CDH18: variants seen among roughly 807,000 people sequenced by gnomAD.
CDH18 encodes cadherin-18.
CDH18 carries 31 observed loss-of-function variants against 67.9 expected under a neutral mutation model. That is an observed-to-expected ratio of 0.46 (90% confidence interval 0.34 to 0.62). CDH18 has a LOEUF of 0.62. Ranked by LOEUF, CDH18 falls within the 20% of genes least tolerant of loss-of-function variation. CDH18 has a pLI of 0.01. For missense variants in CDH18, 890 were observed against 975.5 expected (o/e 0.91, Z 1.17); for synonymous variants, 362 against 347.2 (o/e 1.04, Z -0.48).
chr5:20,086,836 A>G (rs1429928705), intron 2 of CDH18, among the ~76,000 whole-genome samples: 1 of 152,162 alleles, frequency 6.6e-6, no homozygotes, highest in East Asian at 1.9e-4. Flanking sequence ...GAGATGTGTA[A>G]GAAGATGAAT....
chr5:20,399,691 G>A (rs901175759), intron 1 of CDH18, among the ~76,000 whole-genome samples: 2 of 152,132 alleles, frequency 1.3e-5, no homozygotes, highest in African/African-American at 4.8e-5. Context: ...TGTTTATAAT[G>A]TTAAGATATA....
rs750128928 is a variant in CDH18 at position 19,520,716 on chromosome 5, G to C, written c.1453C>G (p.Pro485Ala). The change falls in exon 10 of 13, where the codon CCA becomes GCA. Residue 485 changes from proline to alanine, a missense_variant. Pro to Ala is a conservative substitution (Grantham distance 27). This residue lies in a region of CDH18 where 656 missense variants were observed against 668.1 expected (regional missense o/e 0.98). Transcript: ENST00000382275. The part of the protein sequence containing the change: ...GIRVLDVNDN[P>A]PELAREYDII... ...TCATATTCCCTGGCAAGTTCGGGTGGATTGTCATTGACATCCAGAACTCTA... is the reference window on the plus strand; with the variant it reads ...TCATATTCCCTGGCAAGTTCGGGTGCATTGTCATTGACATCCAGAACTCTA... The C allele has an allele frequency of 1.2e-6, 2 of 1,613,224 alleles. No individual in the cohort carries two copies. Among genetic ancestry groups the C allele is most frequent in the Non-Finnish European group, 1.7e-6 (2 of 1,179,374 alleles).
intron 2 of CDH18, among the ~76,000 whole-genome samples, chr5:20,071,341 C>T (rs1313108801): frequency 3.3e-5 from 5 of 151,802 alleles, no homozygotes; most frequent in African/African-American, 1.2e-4. Flanking sequence ...CTAAACTCCC[C>T]CCAAACAAGG....
rs569903304 is a variant in CDH18, at chr5:20,001,816, T to C, written c.-517-9802A>G. On this transcript the variant is annotated intron_variant, in intron 2 of 14. Coordinates refer to the CDH18 transcript ENST00000507958. ...TGAACAGTGAAAATCAGGTTTTAAA[T>C]TCATTGTTCTGCTCAGCATTAGGCC... Among the ~76,000 whole-genome samples the C allele has an allele frequency of 2.0e-5, 3 of 152,278 alleles. No homozygotes were observed. In the East Asian group the frequency reaches 5.8e-4, roughly 29 times the overall value.
At chr5:19,986,466 T>C (rs1298194937) in intron 1 of CDH18, among the ~76,000 whole-genome samples, 2 of 152,204 alleles carry the variant, frequency 1.3e-5, no homozygotes, top group African/African-American at 4.8e-5. Flanking sequence ...AGGCAATCAA[T>C]CTTGACCATT....
intron 1 of CDH18, among the ~76,000 whole-genome samples, chr5:20,463,786 G>T (rs1751442979): frequency 6.6e-6 from 1 of 152,118 alleles, no homozygotes; most frequent in African/African-American, 2.4e-5. Context: ...CCGTCTATTT[G>T]TTCTACTCAG....
At chr5:19,718,206 C>G (rs971697377) in intron 5 of CDH18, among the ~76,000 whole-genome samples, 1 of 151,798 alleles carries the variant, frequency 6.6e-6, no homozygotes, top group Non-Finnish European at 1.5e-5. Context: ...ACAAGGCAAT[C>G]GAAACACTGA....
At chr5:20,392,501 T>C (rs868271962) in intron 1 of CDH18, among the ~76,000 whole-genome samples, 3 of 151,922 alleles carry the variant, frequency 2.0e-5, no homozygotes, top group South Asian at 2.1e-4. Context: ...AATTTCTAGC[T>C]AAAATTTTCT....
Position 19,828,017 on chromosome 5 carries a change from A to C in CDH18, c.228+10742T>G, listed in dbSNP as rs1780597641. 2.0e-5 allele frequency among the ~76,000 whole-genome samples: 3 copies of C among 152,270 alleles called. No individual in the cohort carries two copies. In the South Asian group the frequency reaches 6.2e-4, roughly 32 times the overall value. The stretch of plus-strand genomic sequence containing the variant: ...AAAAAGAGAAAAGATCCATATAAAC[A>C]CAATTAGAAATTACAAAGGGTACAT... On this transcript the variant is annotated intron_variant, in intron 3 of 12. Coordinates refer to ENST00000382275, the MANE Select transcript of CDH18 (RefSeq NM_004934.5).
chr5:19,694,656 TGTGTG>T (rs1762313279), intron 5 of CDH18, among the ~76,000 whole-genome samples: 1 of 3,978 alleles, frequency 2.5e-4, no homozygotes, highest in South Asian at 0.056. Flanking sequence ...ACTCTGTGTG[TGTGTG>T]TGTGTGTGTG....
intron 1 of CDH18, among the ~76,000 whole-genome samples, chr5:19,983,439 A>T (rs1303505612): frequency 6.6e-6 from 1 of 152,314 alleles, no homozygotes; most frequent in Non-Finnish European, 1.5e-5. Context: ...TTATTTTACC[A>T]ACAATTCATC....
intron 10 of CDH18, among the ~76,000 whole-genome samples, chr5:19,506,835 T>C (rs1334193020): frequency 6.6e-6 from 1 of 152,192 alleles, no homozygotes; most frequent in Non-Finnish European, 1.5e-5. Context: ...ATTCAGGACA[T>C]AGGCATGGGC....
chr5:20,064,612 A>G (rs1478410294), intron 2 of CDH18, among the ~76,000 whole-genome samples: 1 of 152,106 alleles, frequency 6.6e-6, no homozygotes, highest in Non-Finnish European at 1.5e-5. Flanking sequence ...TCAGATACCT[A>G]TAGGTGACAT....
At chr5:19,590,301 T>C (rs895580721) in intron 7 of CDH18, among the ~76,000 whole-genome samples, 3 of 152,228 alleles carry the variant, frequency 2.0e-5, no homozygotes, top group Non-Finnish European at 4.4e-5. Context: ...GTACCAGTGG[T>C]GATTATTGTT....
At chr5:20,409,710 A>T (rs1320114847) in intron 1 of CDH18, among the ~76,000 whole-genome samples, 1 of 151,610 alleles carries the variant, frequency 6.6e-6, no homozygotes, top group East Asian at 1.9e-4. Flanking sequence ...CAACATCAAA[A>T]CTGAGTTAAT....
At chr5:20,066,169 T>A (rs1363321947) in intron 2 of CDH18, among the ~76,000 whole-genome samples, 3 of 152,028 alleles carry the variant, frequency 2.0e-5, no homozygotes, top group African/African-American at 2.4e-5. Flanking sequence ...CTAATTTTGC[T>A]TGAGCCATGC....
intron 2 of CDH18, among the ~76,000 whole-genome samples, chr5:19,896,530 C>T (rs1579477848): frequency 6.6e-6 from 1 of 152,098 alleles, no homozygotes; most frequent in South Asian, 2.1e-4. Context: ...CCACTGGGAG[C>T]TGGAAGGCCA....
intron 4 of CDH18, 79 bp downstream of exon 4, chr5:19,746,863 T>TA (rs1770067177): frequency 2.7e-6 from 3 of 1,104,338 alleles, no homozygotes; most frequent in Non-Finnish European, 4.0e-6. Flanking sequence ...TATATATAAG[T>TA]AAAAATTGGT....
intron 1 of CDH18, among the ~76,000 whole-genome samples, chr5:20,561,892 T>A (rs1042796100): frequency 6.6e-6 from 1 of 151,942 alleles, no homozygotes; most frequent in Non-Finnish European, 1.5e-5. Flanking sequence ...TCTAAAAGAA[T>A]TCCAAAAAGT....
Sources: allele counts gnomAD v4.1 joint callset (sites outside exome capture counted in the v4.1 genomes callset), GRCh38; gene constraint gnomAD v4.1.1; regional missense constraint gnomAD v4.1.1; transcripts MANE v1.5; gene names NCBI Gene and HGNC (gene_info 2026-07-23, HGNC 2026-07-21).